The following OR2T1 variants were observed in gnomAD, a reference collection of about 807,000 sequenced individuals.
OR2T1 encodes the protein olfactory receptor 2T1.
For synonymous variants in OR2T1, 186 were observed against 145.4 expected, an observed-to-expected ratio of 1.28 and a Z score of -2.01; for missense variants, 440 against 390.2, an observed-to-expected ratio of 1.13 and a Z score of -1.07.
At chr1:248,405,170 T>G (rs1661529969) in intron 1 of OR2T1, among the ~76,000 whole-genome samples, 1 of 152,206 alleles carries the variant, frequency 6.6e-6, no homozygotes, top group African/African-American at 2.4e-5. Flanking sequence ...AATGTCTTTC[T>G]TGGGACACTT....
Position 248,406,333 on chromosome 1 carries a change from C to T in OR2T1, c.186C>T (p.Leu62=). The T allele has an allele frequency of 6.2e-7, 1 of 1,614,144 alleles. No homozygotes were observed. The highest frequency in any genetic ancestry group is 2.2e-5 in the East Asian group (1 of 44,886). ...TTCATACACCCATGTACTTCCTCCT[C>T]AGCCACCTTTCCTTAATTGACATGA... The part of the protein sequence containing the change: ...LRLHTPMYFL[L]SHLSLIDMMY... The change falls in exon 2 of 2, where the codon CTC becomes CTT. Residue 62 remains leucine (L), a synonymous_variant. Transcript: ENST00000642005.
intron 1 of OR2T1, among the ~76,000 whole-genome samples, chr1:248,404,546 T>TATATATATATATA (rs1401101263): frequency 1.5e-5 from 2 of 135,106 alleles, no homozygotes; most frequent in African/African-American, 5.1e-5. Flanking sequence ...AAAATATACA[T>TATATATATATATA]TATATATATA....
At chr1:248,403,920 C>G (rs1443394878) in intron 1 of OR2T1, among the ~76,000 whole-genome samples, 1 of 151,672 alleles carries the variant, frequency 6.6e-6, no homozygotes, top group Non-Finnish European at 1.5e-5. Flanking sequence ...GCTAGCTGGC[C>G]ATAGAAAAAG....
rs1661466220 is a variant in OR2T1, at chr1:248,403,106, GCA to G, written c.-170_-169del. Reference sequence around the variant, plus strand: ...GATGTTCTGCAAGCTTAATTGAAATGCACAGTTTTTTCTGAGAATTTCTACTA... The same window carrying G: ...GATGTTCTGCAAGCTTAATTGAAATGCAGTTTTTTCTGAGAATTTCTACTA... On this transcript the variant is annotated 5_prime_UTR_variant, in exon 1 of 2. An upstream open reading frame in the 5' UTR loses its in-frame stop. Transcript: ENST00000642005. The G allele has an allele frequency of 6.6e-6, 1 of 152,062 alleles. No individual in the cohort carries two copies. Among genetic ancestry groups the G allele is most frequent in the African/African-American group, 2.4e-5 (1 of 41,420 alleles). 9.4% of individuals were successfully genotyped at this position (152,062 alleles called of 1,614,324 possible).
chr1:248,407,142 C>A lies in OR2T1; in HGVS notation c.*38C>A, dbSNP rs866605324. 5 of 1,507,034 alleles carry A rather than the reference C, an allele frequency of 3.3e-6. No homozygotes were observed. Among genetic ancestry groups the A allele is most frequent in the Middle Eastern group, 3.6e-4 (2 of 5,506 alleles). The allele number at this position is 1,507,034 out of a possible 1,614,324, so 93.4% of individuals were successfully genotyped here. ...TCCCATGCATATGGTAAATGGGGGACTCTGTGGTCACTGTGGCTGTGCTTT... is the reference window on the plus strand; with the variant it reads ...TCCCATGCATATGGTAAATGGGGGAATCTGTGGTCACTGTGGCTGTGCTTT... On this transcript the variant is annotated 3_prime_UTR_variant, in exon 2 of 2. Transcript: ENST00000642005.
chr1:248,406,614 T>C lies in OR2T1; in HGVS notation c.467T>C (p.Phe156Ser), dbSNP rs373134110. ...GSWFGGSLDG[F>S]LLTPITMSFP... ...TGGTTTGGGGGCTCTTTGGATGGCTTCCTCCTAACCCCCATCACCATGAGC... is the reference window on the plus strand; with the variant it reads ...TGGTTTGGGGGCTCTTTGGATGGCTCCCTCCTAACCCCCATCACCATGAGC... Residue 156 changes from phenylalanine (F) to serine (S), a missense_variant, in exon 2 of 2, where the codon TTC becomes TCC. Physicochemically the swap from Phe to Ser is radical, Grantham distance 155. Transcript: ENST00000642005. The C allele has an allele frequency of 3.7e-6, 6 of 1,614,012 alleles. No individual in the cohort carries two copies. The highest frequency in any genetic ancestry group is 5.1e-6 in the Non-Finnish European group (6 of 1,180,002).
chr1:248,407,206 T>C lies in OR2T1; in HGVS notation c.*102T>C. ...AGCAAAAAGGGAGGGAGTCATATGA[T>C]TACAATATTGGTTTTTTGGCTAGGG... On this transcript the variant is annotated 3_prime_UTR_variant, in exon 2 of 2. Coordinates refer to ENST00000642005, the MANE Select transcript of OR2T1 (RefSeq NM_030904.2). The C allele has an allele frequency of 5.0e-6, 6 of 1,210,092 alleles. No individual in the cohort carries two copies. The highest frequency in any genetic ancestry group is 5.8e-6 in the Non-Finnish European group (5 of 865,246). The allele number at this position is 1,210,092 out of a possible 1,614,324, so 75.0% of individuals were successfully genotyped here.
chr1:248,405,591 G>A (rs1279655634), intron 1 of OR2T1, among the ~76,000 whole-genome samples: 2 of 152,112 alleles, frequency 1.3e-5, no homozygotes, highest in African/African-American at 4.8e-5. Flanking sequence ...TCTGGGACAT[G>A]GATAAACTAA....
Position 248,406,431 on chromosome 1 carries a change from G to A in OR2T1, c.284G>A (p.Gly95Glu), listed in dbSNP as rs559004382. 5.0e-6 allele frequency: 8 copies of A among 1,614,114 alleles called. No homozygotes were observed. The South Asian group carries it at 8.8e-5, about 18-fold the overall frequency. ...LLDQRTISFV[G>E]CTAQHFLYLT... is the part of the protein sequence containing the mutation. ...GATCAAAGGACCATTTCCTTTGTGG[G>A]GTGCACAGCTCAACACTTCCTCTAC... is the stretch of plus-strand genomic sequence containing the variant. Residue 95 changes from glycine to glutamate, a missense_variant, in exon 2 of 2, where the codon GGG (glycine) becomes GAG (glutamate). Physicochemically the swap from Gly to Glu is moderately conservative, Grantham distance 98 (BLOSUM62 -2). Transcript: ENST00000642005.
intron 1 of OR2T1, 50 bp from the exon 2 acceptor site, chr1:248,406,065 C>G (rs754531680): frequency 5.0e-6 from 8 of 1,613,042 alleles, no homozygotes; most frequent in Non-Finnish European, 6.8e-6. Flanking sequence ...ACAATTAATT[C>G]ACATGTTGTT....
chr1:248,405,557 T>C (rs1438020086), intron 1 of OR2T1, among the ~76,000 whole-genome samples: 1 of 152,204 alleles, frequency 6.6e-6, no homozygotes, highest in African/African-American at 2.4e-5. Flanking sequence ...CTGTTGCCCT[T>C]TTTATTTCAT....
chr1:248,407,127 A>C lies in OR2T1; in HGVS notation c.*23A>C. 1 of 1,542,356 alleles carries C rather than the reference A, an allele frequency of 6.5e-7. No individual in the cohort carries two copies. The highest frequency in any genetic ancestry group is 1.8e-4 in the Middle Eastern group (1 of 5,666). ...TGACAGTCGACTCCTTCCCATGCAT[A>C]TGGTAAATGGGGGACTCTGTGGTCA... On this transcript the variant is annotated 3_prime_UTR_variant, in exon 2 of 2. Transcript: ENST00000642005.
In OR2T1 at chr1:248,407,129, G is replaced by A. The variant is rs145917288; in HGVS notation, c.*25G>A. On this transcript the variant is annotated 3_prime_UTR_variant, in exon 2 of 2. Coordinates refer to ENST00000642005, the MANE Select transcript of OR2T1 (RefSeq NM_030904.2). ...ACAGTCGACTCCTTCCCATGCATATGGTAAATGGGGGACTCTGTGGTCACT... is the reference window on the plus strand; with the variant it reads ...ACAGTCGACTCCTTCCCATGCATATAGTAAATGGGGGACTCTGTGGTCACT... 124 of 1,535,104 alleles carry A rather than the reference G, an allele frequency of 8.1e-5. No individual in the cohort carries two copies. The Middle Eastern group carries it at 2.7e-3, about 33-fold the overall frequency.
In OR2T1 at chr1:248,407,060, G is replaced by A. The variant is rs1252432771; in HGVS notation, c.913G>A (p.Gly305Arg). The A allele has an allele frequency of 1.2e-6, 2 of 1,612,402 alleles. No individual in the cohort carries two copies. The highest frequency in any genetic ancestry group is 1.7e-6 in the Non-Finnish European group (2 of 1,179,188). Residue 305 changes from glycine (G) to arginine (R), a missense_variant, in exon 2 of 2, where the codon GGG becomes AGG. Coordinates refer to ENST00000642005, the MANE Select transcript of OR2T1 (RefSeq NM_030904.2). ...DVTGALKRAL[G>R]RFKGPQRVSG... ...GACTGGAGCTCTGAAGAGGGCCTTG[G>A]GGAGGTTCAAGGGTCCTCAAAGGGT...
intron 1 of OR2T1, among the ~76,000 whole-genome samples, chr1:248,405,820 C>T (rs1215379790): frequency 6.6e-6 from 1 of 152,158 alleles, no homozygotes; most frequent in Non-Finnish European, 1.5e-5. Flanking sequence ...CCATGGTATG[C>T]GTAACTGCTG....
At position 248,407,295 on chromosome 1, in the gene OR2T1, C is replaced by T. The variant is rs1558316123; in HGVS notation, c.*191C>T. ...TTTTAGGCCTCAGAAAACTGAATCT[C>T]TCTCTGTGATCTTCGCCTTCCCTCT... is the stretch of plus-strand genomic sequence containing the variant. On this transcript the variant is annotated 3_prime_UTR_variant, in exon 2 of 2. Transcript: ENST00000642005. 2.1e-6 allele frequency: 1 copy of T among 469,258 alleles called. No homozygotes were observed. The highest frequency in any genetic ancestry group is 3.7e-6 in the Non-Finnish European group (1 of 270,910). 29.1% of individuals were successfully genotyped at this position (469,258 alleles called of 1,614,324 possible).
At chr1:248,403,433 G>C (rs753529476) in intron 1 of OR2T1, among the ~76,000 whole-genome samples, 188 bp downstream of exon 1, 1 of 152,078 alleles carries the variant, frequency 6.6e-6, no homozygotes, top group Non-Finnish European at 1.5e-5. Flanking sequence ...AAGTAACCCT[G>C]AATGTTTATT....
chr1:248,407,082 G>C lies in OR2T1; in HGVS notation c.935G>C (p.Arg312Thr), dbSNP rs77960894. The C allele has an allele frequency of 3.2e-3, 5,095 of 1,601,102 alleles. 132 individuals carry two copies. In the African/African-American group the frequency reaches 0.059, roughly 19 times the overall value. ...TTGGGGAGGTTCAAGGGTCCTCAAAGGGTGTCAGGAGGTGTCTTTTGACAG... is the reference window on the plus strand; with the variant it reads ...TTGGGGAGGTTCAAGGGTCCTCAAACGGTGTCAGGAGGTGTCTTTTGACAG... ...RALGRFKGPQ[R>T]VSGGVF Residue 312 changes from arginine (R) to threonine (T), a missense_variant, in exon 2 of 2, where the codon AGG becomes ACG. Transcript: ENST00000642005.
At chr1:248,403,655 T>C (rs1661476441) in intron 1 of OR2T1, among the ~76,000 whole-genome samples, 1 of 152,180 alleles carries the variant, frequency 6.6e-6, no homozygotes, top group Non-Finnish European at 1.5e-5. Context: ...TTTTTATGTG[T>C]ACTAAACCAT....
Sources: gnomAD v4.1 joint callset for allele counts (sites outside exome capture counted in the v4.1 genomes callset) on GRCh38, gnomAD v4.1.1 for gene constraint, MANE v1.5 for transcripts, NCBI Gene and HGNC (gene_info 2026-07-23, HGNC 2026-07-21) for gene names.